The following COL4A2 variants were observed in gnomAD, a reference collection of about 807,000 sequenced individuals.
The protein encoded by COL4A2 is collagen type IV alpha 2 chain, also known as collagen alpha-2(IV) chain.
Under a neutral mutation model 200.2 loss-of-function variants are expected in COL4A2, and 99 were observed. The observed-to-expected ratio is 0.49, with a 90% CI of 0.42 to 0.58. The LOEUF is 0.58. COL4A2 is among the 20% of genes least tolerant of loss of function. COL4A2 has a pLI of 0.00. For missense variants in COL4A2, 1,950 were observed against 2,314.1 expected (o/e 0.84, Z 3.23); for synonymous variants, 897 against 900.6 (o/e 1.00, Z 0.07).
rs201442362 is a variant in COL4A2, at chr13:110,501,724, C to T, written c.3817C>T (p.Pro1273Ser). The T allele has an allele frequency of 6.2e-7, 1 of 1,613,810 alleles. No individual in the cohort carries two copies. The highest frequency in any genetic ancestry group is 8.5e-7 in the Non-Finnish European group (1 of 1,179,772). ...GLQGFPGITP[P>S]SNISGAPGDK... ...TCAGGGGTTCCCTGGTATCACACCC[C>T]CTTCCAACATCTCTGGGGCACCTGG... The change falls in exon 41 of 48, where the codon CCT becomes TCT. Residue 1273 changes from proline to serine, a missense_variant. This residue lies in a region of COL4A2 where 1,385 missense variants were observed against 1,720.5 expected (regional missense o/e 0.80). Coordinates refer to ENST00000360467, the MANE Select transcript of COL4A2 (RefSeq NM_001846.4).
chr13:110,505,188 A>C (rs1048466942), intron 45 of COL4A2, among the ~76,000 whole-genome samples: 4 of 151,718 alleles, frequency 2.6e-5, no homozygotes, highest in Non-Finnish European at 5.9e-5. Context: ...GTCTCTACTA[A>C]AAATACAAAA....
At chr13:110,328,406 A>AACTTG (rs1315090682) in intron 3 of COL4A2, 1 of 152,224 alleles carries the variant, frequency 6.6e-6, no homozygotes, top group African/African-American at 2.4e-5. Flanking sequence ...GGGAGAAGAG[A>AACTTG]CAACCCCTGG....
chr13:110,389,865 C>CAAAAAA (rs5806852), intron 4 of COL4A2, among the ~76,000 whole-genome samples: 1 of 148,322 alleles, frequency 6.7e-6, no homozygotes. Context: ...CTTTCTAAAG[C>CAAAAAA]AAAAAAAAAA....
Position 110,503,982 on chromosome 13 carries a change from C to T in COL4A2, c.4274C>T (p.Pro1425Leu). 6.4e-7 allele frequency: 1 copy of T among 1,557,984 alleles called. No individual in the cohort carries two copies. ...APGEMGPQGP[P>L]GEPGFRGAPG... Reference sequence around the variant, plus strand: ...GGGGAGATGGGGCCCCAGGGCCCCCCCGGAGAACCAGGTAGAGTGCTGAGC... The same window carrying T: ...GGGGAGATGGGGCCCCAGGGCCCCCTCGGAGAACCAGGTAGAGTGCTGAGC... Residue 1425 changes from proline to leucine, a missense_variant, in exon 44 of 48, where the codon CCC becomes CTC. This residue lies in a region of COL4A2 where 1,385 missense variants were observed against 1,720.5 expected (regional missense o/e 0.80). Transcript: ENST00000360467.
At chr13:110,468,179 G>A (rs1442000722) in intron 27 of COL4A2, 1 of 471,174 alleles carries the variant, frequency 2.1e-6, no homozygotes, top group African/African-American at 2.0e-5. Context: ...GGTCTTCGGA[G>A]TGCACCGTGA....
At chr13:110,507,178 C>T (rs141784542) in intron 46 of COL4A2, among the ~76,000 whole-genome samples, 14 of 152,372 alleles carry the variant, frequency 9.2e-5, no homozygotes, top group African/African-American at 3.4e-4. Flanking sequence ...CTCTGGGATA[C>T]TGGCTGTGTT....
At chr13:110,329,805 G>A (rs1033142198) in intron 3 of COL4A2, among the ~76,000 whole-genome samples, 7 of 152,172 alleles carry the variant, frequency 4.6e-5, no homozygotes, top group Non-Finnish European at 7.4e-5. Flanking sequence ...AAGAGACAGA[G>A]GAAGGTTATG....
At position 110,461,946 on chromosome 13, in the gene COL4A2, C is replaced by A. The variant is rs1275255982; in HGVS notation, c.1597-168C>A. The A allele has an allele frequency of 5.2e-6, 5 of 960,088 alleles. No individual in the cohort carries two copies. In the African/African-American group the frequency reaches 6.6e-5, roughly 13 times the overall value. 59.5% of individuals were successfully genotyped at this position (960,088 alleles called of 1,614,324 possible). A position where few individuals can be genotyped will look rare whatever the true frequency, so the allele number is the denominator to read the frequency against. ...TGGCCAGTGGCCCCACACTGGACAG[C>A]TGGATGGGGGCGTATCCAGCATCGC... is the stretch of plus-strand genomic sequence containing the variant. On this transcript the variant is annotated intron_variant, in intron 22 of 47. Transcript: ENST00000360467.
intron 29 of COL4A2, among the ~76,000 whole-genome samples, chr13:110,474,857 T>C (rs1759157534): frequency 9.1e-6 from 1 of 110,102 alleles, no homozygotes; most frequent in Non-Finnish European, 1.9e-5. Context: ...TCAAACATGA[T>C]CACACACTCC....
Position 110,313,562 on chromosome 13 carries a change from C to A in COL4A2, c.99+5439C>A, listed in dbSNP as rs867119790. Among the ~76,000 whole-genome samples the A allele has an allele frequency of 1.8e-3, 150 of 82,240 alleles. 3 individuals carry two copies. Among genetic ancestry groups the A allele is most frequent in the African/African-American group, 2.8e-3 (63 of 22,114 alleles). The allele number at this position is 82,240 out of a possible 152,430, so 54.0% of individuals were successfully genotyped here. A position where few individuals can be genotyped will look rare whatever the true frequency, so the allele number is the denominator to read the frequency against. On this transcript the variant is annotated intron_variant, in intron 3 of 47. Coordinates refer to ENST00000360467, the MANE Select transcript of COL4A2 (RefSeq NM_001846.4). ...GTGCCCCGCGTCCACCCGGCAGGCT[C>A]CCACCCCAGTGCCCCGTGTCCACCC...
intron 7 of COL4A2, chr13:110,429,091 A>G (rs1880581266): frequency 6.6e-6 from 1 of 152,396 alleles, no homozygotes; most frequent in African/African-American, 2.4e-5. Context: ...GTACGTTGCT[A>G]CCTTATTTCC....
intron 4 of COL4A2, among the ~76,000 whole-genome samples, chr13:110,385,456 TG>T (rs1878659712): frequency 8.5e-6 from 1 of 117,302 alleles, no homozygotes; most frequent in Admixed American, 8.3e-5. Flanking sequence ...GTGGCTGCAG[TG>T]TGTGGATAGG....
Position 110,503,857 on chromosome 13 carries a change from G to C in COL4A2, c.4149G>C (p.Gly1383=), listed in dbSNP as rs770049193. ...KGDPGFPGAP[G]TVGAPGIAGI... is the part of the protein sequence containing the mutation. ...CTGTTTCCCTTCCAGGTGCCCCCGG[G>C]ACTGTGGGAGCCCCCGGGATTGCAG... The change falls in exon 44 of 48, where the codon GGG becomes GGC. Residue 1383 remains glycine, a synonymous_variant. Transcript: ENST00000360467. 6.2e-7 allele frequency: 1 copy of C among 1,613,988 alleles called. No homozygotes were observed. Among genetic ancestry groups the C allele is most frequent in the Non-Finnish European group, 8.5e-7 (1 of 1,179,920 alleles).
At chr13:110,381,603 C>G (rs1404054514) in intron 4 of COL4A2, among the ~76,000 whole-genome samples, 1 of 152,162 alleles carries the variant, frequency 6.6e-6, no homozygotes, top group African/African-American at 2.4e-5. Context: ...CTCTCAGCCT[C>G]AAGGACAGGT....
intron 4 of COL4A2, among the ~76,000 whole-genome samples, chr13:110,417,281 C>T (rs1880078680): frequency 6.6e-6 from 1 of 152,328 alleles, no homozygotes; most frequent in Middle Eastern, 3.4e-3. Context: ...AAAAAGCATT[C>T]GGCTAAGTGT....
At chr13:110,481,047 C>CTT (rs1407231154) in intron 31 of COL4A2, among the ~76,000 whole-genome samples, 3 of 105,826 alleles carry the variant, frequency 2.8e-5, no homozygotes, top group Non-Finnish European at 6.0e-5. Flanking sequence ...CAGTTCTGTC[C>CTT]CTCCATTGCT....
intron 40 of COL4A2, 93 bp from the exon 41 acceptor site, chr13:110,501,575 G>A: frequency 4.5e-6 from 5 of 1,115,606 alleles, no homozygotes; most frequent in Admixed American, 1.7e-5. Flanking sequence ...GCTAGGCTCT[G>A]GTCCACCACA....
chr13:110,343,277 G>A (rs1233856436), intron 3 of COL4A2, among the ~76,000 whole-genome samples: 1 of 152,170 alleles, frequency 6.6e-6, no homozygotes, highest in African/African-American at 2.4e-5. Flanking sequence ...AGTGCTGCCT[G>A]CGCCTGTCCG....
chr13:110,344,359 A>G (rs751207300), intron 3 of COL4A2, among the ~76,000 whole-genome samples: 2 of 152,120 alleles, frequency 1.3e-5, no homozygotes, highest in East Asian at 1.9e-4. Context: ...TATGCAGCCA[A>G]TTTTCTTATT....
Sources: allele counts gnomAD v4.1 joint callset (sites outside exome capture counted in the v4.1 genomes callset), GRCh38; gene constraint gnomAD v4.1.1; regional missense constraint gnomAD v4.1.1; transcripts MANE v1.5; gene names NCBI Gene and HGNC (gene_info 2026-07-23, HGNC 2026-07-21).